The following UGGT2 variants were observed in gnomAD, a reference collection of about 807,000 sequenced individuals.
UGGT2 encodes UDP-glucose glycoprotein glucosyltransferase 2, also known as UDP-glucose:glycoprotein glucosyltransferase 2.
In UGGT2, 180 loss-of-function variants were observed where a neutral mutation model predicts 192.1. The observed-to-expected ratio is 0.94, with a 90% CI of 0.83 to 1.06. The LOEUF (loss-of-function observed/expected upper bound fraction) is 1.06, where lower values mean the gene tolerates loss of function less well. UGGT2 is among the 50% of genes least tolerant of loss of function. The pLI is 0.00. For synonymous variants in UGGT2, 580 were observed against 591.0 expected (o/e 0.98, Z 0.27); for missense variants, 1,849 against 1,795.7 (o/e 1.03, Z -0.54).
chr13:95,921,774 A>C (rs1230091472), intron 20 of UGGT2, among the ~76,000 whole-genome samples: 1 of 152,134 alleles, frequency 6.6e-6, no homozygotes, highest in Non-Finnish European at 1.5e-5. Flanking sequence ...AAAGTCAAAA[A>C]AATAACAGAT....
chr13:95,953,845 A>C (rs2050137931), intron 12 of UGGT2, among the ~76,000 whole-genome samples: 1 of 152,178 alleles, frequency 6.6e-6, no homozygotes, highest in Non-Finnish European at 1.5e-5. Flanking sequence ...GGTCAGTTTG[A>C]AGGGAAGGCT....
At chr13:95,964,262 G>A (rs1230831554) in intron 12 of UGGT2, among the ~76,000 whole-genome samples, 4 of 152,198 alleles carry the variant, frequency 2.6e-5, no homozygotes, top group South Asian at 4.2e-4. Flanking sequence ...ATCTGATATC[G>A]ATATGCAGAA....
chr13:95,965,012 A>G (rs2050522645), intron 12 of UGGT2, among the ~76,000 whole-genome samples: 1 of 151,658 alleles, frequency 6.6e-6, no homozygotes, highest in Non-Finnish European at 1.5e-5. Flanking sequence ...ACTGGCCATC[A>G]GAGAAATGCA....
chr13:95,937,015 T>A lies in UGGT2; in HGVS notation c.1886A>T (p.Lys629Ile). 4 of 1,607,602 alleles carry A rather than the reference T, an allele frequency of 2.5e-6. No individual in the cohort carries two copies. In the South Asian group the frequency reaches 4.5e-5, roughly 18 times the overall value. Reference sequence around the variant, plus strand: ...TTCTTTAATATTCATCTCTTCATGTTTAAAGGGTTCACCATTATAAAGAGC... The same window carrying A: ...TTCTTTAATATTCATCTCTTCATGTATAAAGGGTTCACCATTATAAAGAGC... ...PQALYNGEPF[K>I]HEEMNIKELK... The change falls in exon 17 of 39, where the codon AAA (lysine) becomes ATA (isoleucine). Residue 629 changes from lysine to isoleucine, a missense_variant. Physicochemically the swap from Lys to Ile is moderately radical, Grantham distance 102. Coordinates refer to ENST00000376747, the MANE Select transcript of UGGT2 (RefSeq NM_020121.4).
intron 1 of UGGT2, among the ~76,000 whole-genome samples, chr13:96,038,993 T>C (rs1402290683): frequency 2.6e-5 from 4 of 152,052 alleles, no homozygotes; most frequent in Non-Finnish European, 5.9e-5. Context: ...CAAAATGCAA[T>C]GGAGAGACAG....
chr13:96,034,579 T>G (rs1458516162), intron 1 of UGGT2, among the ~76,000 whole-genome samples: 3 of 152,204 alleles, frequency 2.0e-5, no homozygotes, highest in Non-Finnish European at 4.4e-5. Flanking sequence ...GCTGCAGCCC[T>G]TTGGGGAGCC....
At position 95,877,268 on chromosome 13, in the gene UGGT2, G is replaced by T. The variant is rs1360593865; in HGVS notation, c.3473+11C>A. ...ATGTGTAAAAATTTAAAAGCAGCCTGCATAACTCACCCAACTATTTGATAA... is the reference window on the plus strand; with the variant it reads ...ATGTGTAAAAATTTAAAAGCAGCCTTCATAACTCACCCAACTATTTGATAA... On this transcript the variant is annotated intron_variant, in intron 29 of 38. Transcript: ENST00000376747. 6.4e-7 allele frequency: 1 copy of T among 1,574,248 alleles called. No individual in the cohort carries two copies. Among genetic ancestry groups the T allele is most frequent in the Non-Finnish European group, 8.6e-7 (1 of 1,163,246 alleles).
intron 4 of UGGT2, among the ~76,000 whole-genome samples, chr13:96,018,164 C>T (rs2052396577): frequency 1.3e-5 from 2 of 152,020 alleles, no homozygotes; most frequent in South Asian, 4.2e-4. Flanking sequence ...TTTCCTATTC[C>T]CTGGTTCAAA....
chr13:95,928,859 G>A (rs1052399499), intron 17 of UGGT2, among the ~76,000 whole-genome samples: 2 of 152,178 alleles, frequency 1.3e-5, no homozygotes, highest in Non-Finnish European at 2.9e-5. Flanking sequence ...GGAGGTGGAG[G>A]TTGTAGTGAG....
intron 20 of UGGT2, among the ~76,000 whole-genome samples, chr13:95,925,060 T>C (rs571178707): frequency 1.3e-5 from 2 of 152,318 alleles, no homozygotes; most frequent in Admixed American, 1.3e-4. Flanking sequence ...TTAGCTAATA[T>C]AAAAACAATT....
intron 29 of UGGT2, among the ~76,000 whole-genome samples, chr13:95,873,129 T>C (rs1594202061): frequency 6.6e-6 from 1 of 152,182 alleles, no homozygotes; most frequent in East Asian, 1.9e-4. Flanking sequence ...TAGTGGCAGA[T>C]ATAGAAATGC....
At chr13:96,021,024 C>T (rs1327330951) in intron 4 of UGGT2, among the ~76,000 whole-genome samples, 1 of 152,210 alleles carries the variant, frequency 6.6e-6, no homozygotes, top group African/African-American at 2.4e-5. Context: ...TAGATGGATC[C>T]TACAGAGTTG....
At chr13:95,853,808 C>G in intron 35 of UGGT2, 151 bp from the exon 36 acceptor site, 2 of 515,766 alleles carry the variant, frequency 3.9e-6, no homozygotes, top group South Asian at 7.5e-5. Flanking sequence ...CTCCTAATAT[C>G]TAATACTGTT....
intron 5 of UGGT2, among the ~76,000 whole-genome samples, chr13:96,011,223 C>CA (rs537115929): frequency 2.6e-4 from 39 of 151,896 alleles, no homozygotes; most frequent in Middle Eastern, 3.4e-3. Flanking sequence ...AATCTATAAA[C>CA]AAAAAAATGA....
chr13:95,906,919 T>C (rs1456139190), intron 20 of UGGT2, among the ~76,000 whole-genome samples: 1 of 152,134 alleles, frequency 6.6e-6, no homozygotes, highest in Non-Finnish European at 1.5e-5. Flanking sequence ...TTCATCTCAA[T>C]GGGACTGGTT....
chr13:95,828,937 C>G (rs1233239103), intron 38 of UGGT2, among the ~76,000 whole-genome samples: 2 of 152,038 alleles, frequency 1.3e-5, no homozygotes, highest in Non-Finnish European at 2.9e-5. Context: ...ACTGGCAAAC[C>G]AAACCCAGAA....
At chr13:95,942,635 CTT>C (rs1360465289) in intron 15 of UGGT2, among the ~76,000 whole-genome samples, 1 of 152,000 alleles carries the variant, frequency 6.6e-6, no homozygotes, top group Non-Finnish European at 1.5e-5. Context: ...CATTTCTCCT[CTT>C]GGGTCATTGG....
At chr13:96,034,969 G>A (rs1015428696) in intron 1 of UGGT2, among the ~76,000 whole-genome samples, 2 of 152,188 alleles carry the variant, frequency 1.3e-5, no homozygotes, top group African/African-American at 2.4e-5. Flanking sequence ...GCAAAACTAG[G>A]GCAAAGGTGC....
chr13:95,958,678 A>G (rs976170966), intron 12 of UGGT2, among the ~76,000 whole-genome samples: 1 of 151,814 alleles, frequency 6.6e-6, no homozygotes, highest in Non-Finnish European at 1.5e-5. Context: ...GAAAGGAACC[A>G]ATATAGTAAG....
Sources: gnomAD v4.1 joint callset for allele counts (sites outside exome capture counted in the v4.1 genomes callset) on GRCh38, gnomAD v4.1.1 for gene constraint, MANE v1.5 for transcripts, NCBI Gene and HGNC (gene_info 2026-07-23, HGNC 2026-07-21) for gene names.